Variants in RIMBP2 observed in about 807,000 individuals in gnomAD.
The protein encoded by RIMBP2 is RIMS-binding protein 2.
Under a neutral mutation model 118.6 loss-of-function variants are expected in RIMBP2, and 48 were observed. The ratio of observed to expected loss-of-function variants is 0.40; its 90% confidence interval spans 0.32 to 0.51. The LOEUF (loss-of-function observed/expected upper bound fraction) is 0.51. RIMBP2 is among the 20% of genes least tolerant of loss of function. RIMBP2 has a pLI of 0.41. For missense variants in RIMBP2, 1,551 were observed against 1,768.3 expected (o/e 0.88, Z 2.20); for synonymous variants, 762 against 742.9 (o/e 1.03, Z -0.42).
intron 1 of RIMBP2, among the ~76,000 whole-genome samples, chr12:130,632,352 G>A (rs1228457813): frequency 3.9e-5 from 6 of 152,104 alleles, no homozygotes; most frequent in African/African-American, 7.2e-5. Flanking sequence ...ATGAAAAAAC[G>A]AGATTACAGG....
At chr12:130,636,061 C>A (rs570374022) in intron 1 of RIMBP2, among the ~76,000 whole-genome samples, 1 of 152,214 alleles carries the variant, frequency 6.6e-6, no homozygotes, top group East Asian at 1.9e-4. Flanking sequence ...CTCTTGCCAC[C>A]ACCCTCCATT....
intron 1 of RIMBP2, among the ~76,000 whole-genome samples, chr12:130,637,148 G>A (rs1460377591): frequency 7.2e-5 from 11 of 152,168 alleles, no homozygotes; most frequent in Admixed American, 2.6e-4. Context: ...GATGTTCTGC[G>A]GAGCTGCATC....
At chr12:130,461,946 G>T (rs1174275612) in intron 6 of RIMBP2, among the ~76,000 whole-genome samples, 1 of 68,092 alleles carries the variant, frequency 1.5e-5, no homozygotes, top group African/African-American at 4.3e-5. Context: ...ACACACCCAG[G>T]GAATTTTCAA....
At chr12:130,580,028 CA>C (rs55653381) in intron 2 of RIMBP2, among the ~76,000 whole-genome samples, 4,980 of 116,456 alleles carry the variant, frequency 0.043, 289 homozygotes, top group African/African-American at 0.15. Flanking sequence ...ACCAAAAATA[CA>C]AAAAAAAAAA....
intron 1 of RIMBP2, among the ~76,000 whole-genome samples, chr12:130,706,644 C>T (rs1367150123): frequency 6.6e-6 from 1 of 152,252 alleles, no homozygotes. Context: ...CACTCAGGAG[C>T]CATAAGGATT....
Position 130,447,598 on chromosome 12 carries a change from A to G in RIMBP2, c.582-2329T>C, listed in dbSNP as rs887609416. 1.3e-5 allele frequency among the ~76,000 whole-genome samples: 2 copies of G among 152,136 alleles called. No homozygotes were observed. Among genetic ancestry groups the G allele is most frequent in the African/African-American group, 4.8e-5 (2 of 41,420 alleles). On this transcript the variant is annotated intron_variant, in intron 9 of 22. Transcript: ENST00000690449. The surrounding 1 kb of genome is among the most constrained non-coding windows in gnomAD (Gnocchi z 4.4). ...TCTTGAGGGGCGATGGGAGACCCCC[A>G]CATGTGGCCGTGGCATCTGTGAGCA...
intron 1 of RIMBP2, among the ~76,000 whole-genome samples, chr12:130,711,195 A>T (rs1408976749): frequency 6.6e-6 from 1 of 152,230 alleles, no homozygotes. Context: ...GTGAGCTGAG[A>T]TCATGACACT....
At chr12:130,618,583 C>T (rs969233817) in intron 2 of RIMBP2, among the ~76,000 whole-genome samples, 1 of 152,128 alleles carries the variant, frequency 6.6e-6, no homozygotes, top group African/African-American at 2.4e-5. Context: ...TTGCCTAGTG[C>T]TGTGGGCTCC....
intron 4 of RIMBP2, among the ~76,000 whole-genome samples, chr12:130,493,829 T>C (rs1168750628): frequency 6.6e-6 from 1 of 152,248 alleles, no homozygotes; most frequent in East Asian, 1.9e-4. Flanking sequence ...GTCATTTATG[T>C]ACATGAAAGA....
At chr12:130,518,030 T>A in intron 2 of RIMBP2, 113 bp from the exon 3 acceptor site, 1 of 193,510 alleles carries the variant, frequency 5.2e-6, no homozygotes, top group Non-Finnish European at 9.5e-6. Context: ...GGGCACTGAT[T>A]CTGCAATCCA....
chr12:130,664,415 A>ACACACGCACACGCACGCACG, intron 1 of RIMBP2, among the ~76,000 whole-genome samples: 1 of 130,588 alleles, frequency 7.7e-6, no homozygotes, highest in African/African-American at 2.8e-5. Context: ...ACGCACGCAC[A>ACACACGCACACGCACGCACG]CACACGCACA....
chr12:130,492,225 C>G (rs1387390427), intron 4 of RIMBP2, among the ~76,000 whole-genome samples: 1 of 152,146 alleles, frequency 6.6e-6, no homozygotes, highest in African/African-American at 2.4e-5. Flanking sequence ...CTCACAGAAC[C>G]CACGTCTTCA....
chr12:130,607,163 C>A (rs61934649), intron 2 of RIMBP2, among the ~76,000 whole-genome samples: 20,271 of 152,176 alleles, frequency 0.13, 1,591 homozygotes, highest in Non-Finnish European at 0.19. Flanking sequence ...CTCACTCTAC[C>A]AGTGAGCCTG....
At chr12:130,611,820 T>C (rs924186505) in intron 2 of RIMBP2, among the ~76,000 whole-genome samples, 1 of 152,280 alleles carries the variant, frequency 6.6e-6, no homozygotes, top group South Asian at 2.1e-4. Context: ...CCCATGTAAC[T>C]GCCTGTTACA....
At chr12:130,537,907 T>C (rs1034850591) in intron 2 of RIMBP2, among the ~76,000 whole-genome samples, 7 of 152,222 alleles carry the variant, frequency 4.6e-5, no homozygotes, top group African/African-American at 1.7e-4. Flanking sequence ...GTGAAATGAC[T>C]GCTAATTATA....
chr12:130,501,987 G>A lies in RIMBP2; in HGVS notation c.-4+4661C>T, dbSNP rs182862145. 1.4e-3 allele frequency among the ~76,000 whole-genome samples: 219 copies of A among 152,328 alleles called. 3 individuals are homozygous for A. Among genetic ancestry groups the A allele is most frequent in the African/African-American group, 4.8e-3 (201 of 41,568 alleles). ...GACTCTGAGCCTTGCTTTGGCCAAC[G>A]GAATTCGAGAAGTGCCTTGCCCCAT... is the stretch of plus-strand genomic sequence containing the variant. On this transcript the variant is annotated intron_variant, in intron 4 of 22. Transcript: ENST00000690449.
intron 1 of RIMBP2, among the ~76,000 whole-genome samples, chr12:130,630,273 A>G (rs2061913703): frequency 6.6e-6 from 1 of 151,674 alleles, no homozygotes; most frequent in African/African-American, 2.4e-5. Context: ...CCAGCCAACT[A>G]CAGAAAGAGT....
At chr12:130,403,448 T>G (rs1188148563) in intron 21 of RIMBP2, among the ~76,000 whole-genome samples, 2 of 152,208 alleles carry the variant, frequency 1.3e-5, no homozygotes, top group Non-Finnish European at 2.9e-5. Flanking sequence ...AAAAATCTTC[T>G]TAAATTCCAG....
intron 18 of RIMBP2, among the ~76,000 whole-genome samples, 166 bp downstream of exon 18, chr12:130,413,959 G>A (rs2075929261): frequency 6.6e-6 from 1 of 152,230 alleles, no homozygotes; most frequent in Non-Finnish European, 1.5e-5. Flanking sequence ...TTTGCAGAGG[G>A]CAGGGCCCTT....
Sources: gnomAD v4.1 joint callset for allele counts (sites outside exome capture counted in the v4.1 genomes callset) on GRCh38, gnomAD v4.1.1 for gene constraint, Gnocchi (gnomAD v3.1) non-coding constraint, MANE v1.5 for transcripts, NCBI Gene and HGNC (gene_info 2026-07-23, HGNC 2026-07-21) for gene names.